The following NWD2 variants were observed in gnomAD, a reference collection of about 807,000 sequenced individuals.
NWD2 encodes the protein NACHT and WD repeat domain containing 2, also known as NACHT and WD repeat domain-containing protein 2.
NWD2 carries 37 observed loss-of-function variants against 132.7 expected under a neutral mutation model. The observed-to-expected ratio is 0.28, with a 90% CI of 0.21 to 0.37. The LOEUF (loss-of-function observed/expected upper bound fraction) is 0.37. Among genes scored for constraint, NWD2 ranks in the 10% least tolerant of loss-of-function variants. The probability of loss-of-function intolerance (pLI) is 1.00; values close to 1 mark genes in which losing one functional copy is unlikely to be tolerated. For missense variants in NWD2, 1,592 were observed against 2,122.4 expected, an observed-to-expected ratio of 0.75 and a Z score of 4.91; for synonymous variants, 705 against 803.0, an observed-to-expected ratio of 0.88 and a Z score of 2.06.
intron 3 of NWD2, among the ~76,000 whole-genome samples, chr4:37,429,652 C>G (rs981668263): frequency 5.3e-5 from 8 of 152,184 alleles, no homozygotes; most frequent in Non-Finnish European, 1.5e-5. Flanking sequence ...ATAACTTACC[C>G]TTTTCACTTA....
chr4:37,417,643 ATACAGTGC>A (rs1204302647), intron 3 of NWD2, among the ~76,000 whole-genome samples: 2 of 152,190 alleles, frequency 1.3e-5, no homozygotes, highest in African/African-American at 4.8e-5. Context: ...CTGTAAATAA[ATACAGTGC>A]TTTTGTTGAT....
intron 1 of NWD2, among the ~76,000 whole-genome samples, chr4:37,259,976 T>C (rs1055404027): frequency 2.0e-5 from 3 of 152,220 alleles, no homozygotes; most frequent in African/African-American, 7.2e-5. Context: ...GTTTGTACTA[T>C]GGTCTGGCTG....
chr4:37,442,995 T>C (rs1181073182), intron 6 of NWD2, among the ~76,000 whole-genome samples: 1 of 152,002 alleles, frequency 6.6e-6, no homozygotes, highest in African/African-American at 2.4e-5. Flanking sequence ...TGAAACACCT[T>C]GTATCTTCTG....
chr4:37,369,202 T>C (rs1330300945), intron 3 of NWD2, among the ~76,000 whole-genome samples: 1 of 152,206 alleles, frequency 6.6e-6, no homozygotes, highest in Non-Finnish European at 1.5e-5. Context: ...AAGGTAATTA[T>C]TTGGTGAAAT....
intron 2 of NWD2, among the ~76,000 whole-genome samples, chr4:37,354,616 T>C (rs530397050): frequency 6.6e-6 from 1 of 152,268 alleles, no homozygotes; most frequent in South Asian, 2.1e-4. Flanking sequence ...AGGCTATTAT[T>C]GTCCTTCTCA....
intron 3 of NWD2, among the ~76,000 whole-genome samples, chr4:37,385,679 A>G (rs1720549287): frequency 6.6e-6 from 1 of 152,206 alleles, no homozygotes; most frequent in South Asian, 2.1e-4. Context: ...CTGAGGGGCC[A>G]TGTCCACCAG....
intron 1 of NWD2, among the ~76,000 whole-genome samples, chr4:37,312,671 A>C (rs1210016883): frequency 3.3e-5 from 5 of 150,792 alleles, no homozygotes; most frequent in African/African-American, 1.2e-4. Context: ...ACTATGTTGA[A>C]TAGGAGTGGT....
chr4:37,338,297 C>T (rs1215333576), intron 2 of NWD2, among the ~76,000 whole-genome samples: 2 of 152,240 alleles, frequency 1.3e-5, no homozygotes, highest in East Asian at 3.8e-4. Flanking sequence ...TGCCACTAGG[C>T]ATCACTGGGG....
At chr4:37,326,759 A>G (rs1719181142) in intron 2 of NWD2, among the ~76,000 whole-genome samples, 1 of 152,234 alleles carries the variant, frequency 6.6e-6, no homozygotes, top group Non-Finnish European at 1.5e-5. Context: ...AGTGCTATCT[A>G]AACTACACAT....
chr4:37,429,798 G>A (rs1334493236), intron 3 of NWD2, among the ~76,000 whole-genome samples: 3 of 152,150 alleles, frequency 2.0e-5, no homozygotes, highest in Non-Finnish European at 4.4e-5. Flanking sequence ...TGTAAGTCCT[G>A]ATTTGCATCC....
At chr4:37,335,157 T>C (rs1719375120) in intron 2 of NWD2, among the ~76,000 whole-genome samples, 1 of 152,066 alleles carries the variant, frequency 6.6e-6, no homozygotes, top group Admixed American at 6.5e-5. Context: ...TTTTTACCCC[T>C]GCCTACTCTC....
At chr4:37,398,550 T>C (rs1033478166) in intron 3 of NWD2, among the ~76,000 whole-genome samples, 2 of 152,168 alleles carry the variant, frequency 1.3e-5, no homozygotes, top group Admixed American at 1.3e-4. Context: ...GCAAACCATG[T>C]CACCCAACCA....
Position 37,438,830 on chromosome 4 carries a change from G to A in NWD2, c.736G>A (p.Gly246Arg). The A allele has an allele frequency of 6.4e-7, 1 of 1,550,914 alleles. No homozygotes were observed. Among genetic ancestry groups the A allele is most frequent in the Middle Eastern group, 1.7e-4 (1 of 5,990 alleles). ...AGAGGATGAGTTTGACTTTGCTCTG[G>A]GAAAACAAACTCCAGCATTTCTAAA... ...AIEDEFDFAL[G>R]KQTPAFLKKC... Residue 246 changes from glycine (G) to arginine (R), a missense_variant, in exon 6 of 7, where the codon GGA (glycine) becomes AGA (arginine). By Grantham distance (125) the Gly-to-Arg change is moderately radical (BLOSUM62 -2). This residue lies in a region of NWD2 where 5 missense variants were observed against 29.0 expected (regional missense o/e 0.17). Coordinates refer to ENST00000309447, the MANE Select transcript of NWD2 (RefSeq NM_001144990.2).
intron 1 of NWD2, among the ~76,000 whole-genome samples, chr4:37,294,182 C>A (rs1243619994): frequency 6.6e-6 from 1 of 151,788 alleles, no homozygotes; most frequent in Non-Finnish European, 1.5e-5. Context: ...GTTGTAACAG[C>A]CTCTAATGTT....
intron 3 of NWD2, among the ~76,000 whole-genome samples, chr4:37,375,939 AG>A (rs1720340548): frequency 6.6e-6 from 1 of 152,222 alleles, no homozygotes; most frequent in Non-Finnish European, 1.5e-5. Context: ...TTTATCATAA[AG>A]TATTTTCCAA....
chr4:37,395,622 C>T (rs1458941952), intron 3 of NWD2, among the ~76,000 whole-genome samples: 1 of 140,180 alleles, frequency 7.1e-6, no homozygotes, highest in East Asian at 2.1e-4. Context: ...GTCTGCCTCT[C>T]CTTGGTTCAA....
intron 5 of NWD2, among the ~76,000 whole-genome samples, chr4:37,437,838 G>A (rs892075789): frequency 6.6e-5 from 10 of 151,942 alleles, no homozygotes; most frequent in African/African-American, 1.9e-4. Flanking sequence ...GCCATAATAC[G>A]GTATATGTTA....
In NWD2 at chr4:37,439,207, T is replaced by C. The variant is rs1204489602; in HGVS notation, c.1113T>C (p.Asp371=). ...NFDTETDTLY[D]EILQHSSLCK... ...ACACTGAAACTGATACACTCTATGA[T>C]GAAATCCTTCAACATTCATCATTAT... Residue 371 remains aspartate, a synonymous_variant, in exon 6 of 7, where the codon GAT becomes GAC. Coordinates refer to ENST00000309447, the MANE Select transcript of NWD2 (RefSeq NM_001144990.2). The surrounding 1 kb of genome is among the most constrained non-coding windows in gnomAD (Gnocchi z 4.5). The C allele has an allele frequency of 1.3e-6, 2 of 1,550,756 alleles. No individual in the cohort carries two copies. Among genetic ancestry groups the C allele is most frequent in the East Asian group, 2.4e-5 (1 of 40,918 alleles).
Position 37,443,096 on chromosome 4 carries a change from G to A in NWD2, c.1297-189G>A, listed in dbSNP as rs1356808343. Reference sequence around the variant, plus strand: ...AGGGGTAATCCTGAGGGTCTCACCTGTAGATTTTGGTACACAAGCTTCATG... The same window carrying A: ...AGGGGTAATCCTGAGGGTCTCACCTATAGATTTTGGTACACAAGCTTCATG... On this transcript the variant is annotated intron_variant, in intron 6 of 6. Transcript: ENST00000309447. The surrounding 1 kb of genome is among the most constrained non-coding windows in gnomAD (Gnocchi z 4.1). Among the ~76,000 whole-genome samples the A allele has an allele frequency of 6.6e-6, 1 of 152,160 alleles. No homozygotes were observed. The highest frequency in any genetic ancestry group is 2.4e-5 in the African/African-American group (1 of 41,456).
Sources: allele counts gnomAD v4.1 joint callset (sites outside exome capture counted in the v4.1 genomes callset), GRCh38; gene constraint gnomAD v4.1.1; regional missense constraint gnomAD v4.1.1; non-coding constraint Gnocchi (gnomAD v3.1); transcripts MANE v1.5; gene names NCBI Gene and HGNC (gene_info 2026-07-23, HGNC 2026-07-21).